The following ZNF366 variants were observed in gnomAD, a reference collection of about 807,000 sequenced individuals.
ZNF366 encodes zinc finger protein 366, also known as dendritic cell-specific transcript protein.
ZNF366 carries 20 observed loss-of-function variants against 47.2 expected under a neutral mutation model. The observed-to-expected ratio is 0.42, with a 90% CI of 0.30 to 0.62. ZNF366 has a LOEUF of 0.62. Ranked by LOEUF, ZNF366 falls within the 20% of genes least tolerant of loss-of-function variation. ZNF366 has a pLI of 0.16. For missense variants in ZNF366, 987 were observed against 976.3 expected (o/e 1.01, Z -0.15); for synonymous variants, 421 against 395.1 (o/e 1.07, Z -0.78).
At chr5:72,498,689 G>C (rs1026208922) in intron 1 of ZNF366, among the ~76,000 whole-genome samples, 1 of 152,156 alleles carries the variant, frequency 6.6e-6, no homozygotes, top group African/African-American at 2.4e-5. Flanking sequence ...CTACATTCTT[G>C]AGTCAAACAA....
chr5:72,498,061 C>T (rs956298166), intron 1 of ZNF366, among the ~76,000 whole-genome samples: 2 of 151,374 alleles, frequency 1.3e-5, no homozygotes, highest in Admixed American at 1.3e-4. Context: ...TATTGTAATG[C>T]AATAAAATGC....
chr5:72,465,637 G>C (rs933960127), intron 1 of ZNF366, among the ~76,000 whole-genome samples: 1 of 152,156 alleles, frequency 6.6e-6, no homozygotes, highest in Non-Finnish European at 1.5e-5. Context: ...TGAGGAGGTG[G>C]GGCAAGCCCT....
chr5:72,494,953 C>T (rs900917396), intron 1 of ZNF366, among the ~76,000 whole-genome samples: 16 of 152,132 alleles, frequency 1.1e-4, no homozygotes, highest in African/African-American at 3.4e-4. Flanking sequence ...CTCAACCCCC[C>T]GCATAATGTC....
chr5:72,473,482 G>A (rs796968616), intron 1 of ZNF366, among the ~76,000 whole-genome samples: 1 of 152,178 alleles, frequency 6.6e-6, no homozygotes, highest in Non-Finnish European at 1.5e-5. Context: ...GTCCAACTCT[G>A]TTCCCCTTCT....
At chr5:72,507,070 T>C (rs1295261027) in intron 1 of ZNF366, among the ~76,000 whole-genome samples, 181 bp downstream of exon 1, 1 of 152,216 alleles carries the variant, frequency 6.6e-6, no homozygotes, top group Non-Finnish European at 1.5e-5. Context: ...GCCTTAGTTC[T>C]GCAAAGCATC....
chr5:72,449,913 G>A (rs778780750), intron 3 of ZNF366, among the ~76,000 whole-genome samples: 12 of 152,162 alleles, frequency 7.9e-5, no homozygotes, highest in Non-Finnish European at 1.8e-4. Context: ...AAGGCCAGAA[G>A]ATCAATTAGG....
At chr5:72,490,609 C>T (rs980908239) in intron 1 of ZNF366, among the ~76,000 whole-genome samples, 1 of 152,166 alleles carries the variant, frequency 6.6e-6, no homozygotes, top group Non-Finnish European at 1.5e-5. Flanking sequence ...GGCAAGAAGA[C>T]AGTGGTGGCC....
intron 2 of ZNF366, among the ~76,000 whole-genome samples, chr5:72,458,268 G>A (rs1743231454): frequency 6.6e-6 from 1 of 151,910 alleles, no homozygotes; most frequent in Non-Finnish European, 1.5e-5. Flanking sequence ...CGCCCGTCTC[G>A]GCCTCCCAAA....
At chr5:72,466,335 A>G (rs1743427028) in intron 1 of ZNF366, among the ~76,000 whole-genome samples, 1 of 152,226 alleles carries the variant, frequency 6.6e-6, no homozygotes. Flanking sequence ...TATTAATAAC[A>G]GTCTGCTTTG....
chr5:72,470,910 T>A (rs1455960721), intron 1 of ZNF366, among the ~76,000 whole-genome samples: 3 of 152,242 alleles, frequency 2.0e-5, no homozygotes, highest in Non-Finnish European at 4.4e-5. Flanking sequence ...AGTGGCATGT[T>A]CCTTTGATAT....
Position 72,443,893 on chromosome 5 carries a change from G to A in ZNF366, c.2098C>T (p.Leu700Phe), listed in dbSNP as rs959288227. ...GTACTCTGAAAAGCCCTGAGACTGA[G>A]ACACTCATCTCTGCCGGCACAGTCT... ...ERDCAGRDECLSLRAFQSTRR... is the reference protein window; with the variant it reads ...ERDCAGRDECFSLRAFQSTRR... The change falls in exon 5 of 5, where the codon CTC becomes TTC. Residue 700 changes from leucine to phenylalanine, a missense_variant. Around this residue, in one of 3 missense-constraint regions of ZNF366, gnomAD observed 285 missense variants for 234.8 expected, o/e 1.21. Transcript: ENST00000318442. 2 of 1,614,086 alleles carry A rather than the reference G, an allele frequency of 1.2e-6. No individual in the cohort carries two copies. Among genetic ancestry groups the A allele is most frequent in the Non-Finnish European group, 1.7e-6 (2 of 1,180,052 alleles).
intron 1 of ZNF366, among the ~76,000 whole-genome samples, chr5:72,489,334 A>G (rs752138549): frequency 1.3e-5 from 2 of 152,248 alleles, no homozygotes; most frequent in Non-Finnish European, 2.9e-5. Context: ...GCCCAAAGGT[A>G]AGATGACCTG....
chr5:72,462,831 G>A (rs1743353105), intron 1 of ZNF366, among the ~76,000 whole-genome samples: 2 of 152,152 alleles, frequency 1.3e-5, no homozygotes, highest in Admixed American at 6.5e-5. Context: ...GATTACAGGC[G>A]TGAGCCACTG....
intron 1 of ZNF366, among the ~76,000 whole-genome samples, chr5:72,500,791 T>A (rs1231496196): frequency 6.6e-6 from 1 of 152,216 alleles, no homozygotes; most frequent in Non-Finnish European, 1.5e-5. Context: ...GAGATCTTGT[T>A]AAAATGCTGA....
rs1362643238 is a variant in ZNF366 at position 72,443,431 on chromosome 5, G to A, written c.*325C>T. 3.0e-5 allele frequency: 7 copies of A among 232,606 alleles called. No homozygotes were observed. In the Admixed American group the frequency reaches 3.6e-4, roughly 12 times the overall value. 14.4% of individuals were successfully genotyped at this position (232,606 alleles called of 1,614,324 possible). ...TGCAATTAGAAATTTACCATGTATT[G>A]CATATGAATCAAAGGAAAGTAGAAT... On this transcript the variant is annotated 3_prime_UTR_variant, in exon 5 of 5. Coordinates refer to ENST00000318442, the MANE Select transcript of ZNF366 (RefSeq NM_152625.3).
Position 72,505,712 on chromosome 5 carries a change from C to T in ZNF366, c.-15+1539G>A, listed in dbSNP as rs571805745. Among the ~76,000 whole-genome samples, 12 of 152,332 alleles carry T rather than the reference C, an allele frequency of 7.9e-5. 1 individual carries two copies. The highest frequency in any genetic ancestry group is 3.4e-3 in the Middle Eastern group (1 of 294). ...GGAGCAAGTCAAGATCGCAGACCTG[C>T]GTTTTCTTCTGGGGCCACAGTTGCT... is the stretch of plus-strand genomic sequence containing the variant. On this transcript the variant is annotated intron_variant, in intron 1 of 4. Coordinates refer to ENST00000318442, the MANE Select transcript of ZNF366 (RefSeq NM_152625.3).
chr5:72,482,727 T>A (rs1359912155), intron 1 of ZNF366, among the ~76,000 whole-genome samples: 1 of 149,772 alleles, frequency 6.7e-6, no homozygotes, highest in Non-Finnish European at 1.5e-5. Flanking sequence ...TTTAGAAACA[T>A]CACAGTTGCA....
At chr5:72,487,241 C>G (rs1356438269) in intron 1 of ZNF366, among the ~76,000 whole-genome samples, 1 of 152,168 alleles carries the variant, frequency 6.6e-6, no homozygotes, top group Admixed American at 6.5e-5. Context: ...AAATTGAGCT[C>G]TCTGTCTTCA....
chr5:72,481,664 TG>T (rs1392360500), intron 1 of ZNF366, among the ~76,000 whole-genome samples: 2 of 152,238 alleles, frequency 1.3e-5, no homozygotes, highest in Non-Finnish European at 2.9e-5. Context: ...TGTATCTTTT[TG>T]TCTTCTGTGA....
Sources: allele counts gnomAD v4.1 joint callset (sites outside exome capture counted in the v4.1 genomes callset), GRCh38; gene constraint gnomAD v4.1.1; regional missense constraint gnomAD v4.1.1; transcripts MANE v1.5; gene names NCBI Gene and HGNC (gene_info 2026-07-23, HGNC 2026-07-21).